The following RCHY1 variants were observed in gnomAD, a reference collection of about 807,000 sequenced individuals.
RCHY1 encodes RING finger and CHY zinc finger domain-containing protein 1.
A neutral mutation model predicts 41.6 loss-of-function variants in RCHY1; 21 were observed. That is an observed-to-expected ratio of 0.51 (90% CI 0.36 to 0.73). RCHY1 has a LOEUF of 0.73. RCHY1 is among the 30% of genes least tolerant of loss of function. The pLI is 0.00. For missense variants in RCHY1, 265 were observed against 325.3 expected (o/e 0.81, Z 1.43); for synonymous variants, 79 against 102.9 (o/e 0.77, Z 1.41).
chr4:75,494,064 G>T, intron 4 of RCHY1, 37 bp downstream of exon 4: 1 of 1,191,014 alleles, frequency 8.4e-7, no homozygotes, highest in Non-Finnish European at 1.2e-6. Flanking sequence ...CAAAAACACT[G>T]TAATATTTTT....
chr4:75,491,366 A>T, intron 7 of RCHY1: 1 of 367,248 alleles, frequency 2.7e-6, no homozygotes, highest in Non-Finnish European at 4.9e-6. Context: ...TGGCCAGAAA[A>T]AAAAGAGGTA....
At chr4:75,507,326 C>G (rs1214899153) in intron 3 of RCHY1, among the ~76,000 whole-genome samples, 1 of 151,776 alleles carries the variant, frequency 6.6e-6, no homozygotes, top group Non-Finnish European at 1.5e-5. Flanking sequence ...GTTATAATTT[C>G]TAGGATAACC....
rs575962761 is a variant in RCHY1 at position 75,499,106 on chromosome 4, A to C, written c.327-4927T>G. ...TAATAACAAAAAAAAAGATTTAAAA[A>C]TAGTCCAAAGACCTGTACAGTAATT... On this transcript the variant is annotated intron_variant, in intron 3 of 8. Coordinates refer to ENST00000324439, the MANE Select transcript of RCHY1 (RefSeq NM_015436.4). Among the ~76,000 whole-genome samples the C allele has an allele frequency of 5.9e-5, 9 of 152,316 alleles. No homozygotes were observed. In the East Asian group the frequency reaches 1.7e-3, roughly 29 times the overall value.
chr4:75,502,667 A>T (rs1022681960), intron 3 of RCHY1, among the ~76,000 whole-genome samples: 1 of 152,230 alleles, frequency 6.6e-6, no homozygotes. Flanking sequence ...CTGATACATT[A>T]TGGAATCTTA....
chr4:75,492,681 G>A (rs991499210), intron 4 of RCHY1, among the ~76,000 whole-genome samples: 1 of 151,634 alleles, frequency 6.6e-6, no homozygotes, highest in Non-Finnish European at 1.5e-5. Context: ...GACAATAAAA[G>A]ATAACTGAAA....
chr4:75,498,427 C>T (rs1378753806), intron 3 of RCHY1, among the ~76,000 whole-genome samples: 1 of 148,606 alleles, frequency 6.7e-6, no homozygotes, highest in Non-Finnish European at 1.5e-5. Flanking sequence ...GAAAAGAAAT[C>T]CTAAAATTTA....
intron 3 of RCHY1, among the ~76,000 whole-genome samples, chr4:75,501,385 G>A (rs1004187931): frequency 1.3e-5 from 2 of 152,170 alleles, no homozygotes; most frequent in Non-Finnish European, 2.9e-5. Flanking sequence ...GACAGTATTT[G>A]TCAAACTTAA....
chr4:75,482,791 C>A, intron 8 of RCHY1, 125 bp from the exon 9 acceptor site: 1 of 597,562 alleles, frequency 1.7e-6, no homozygotes, highest in Non-Finnish European at 2.4e-6. Flanking sequence ...TAAAAATTTC[C>A]AAAAGTAGAA....
intron 3 of RCHY1, among the ~76,000 whole-genome samples, chr4:75,497,733 G>T (rs926777264): frequency 6.6e-6 from 1 of 152,046 alleles, no homozygotes; most frequent in African/African-American, 2.4e-5. Context: ...ATCTGAAATA[G>T]TAATAGCCAA....
chr4:75,509,792 C>T, intron 1 of RCHY1: 1 of 175,832 alleles, frequency 5.7e-6, no homozygotes, highest in Non-Finnish European at 1.2e-5. Context: ...TTTTCTATTG[C>T]CACCACCATG....
intron 3 of RCHY1, among the ~76,000 whole-genome samples, chr4:75,505,004 G>A (rs868641549): frequency 2.0e-5 from 3 of 152,008 alleles, no homozygotes; most frequent in Non-Finnish European, 4.4e-5. Context: ...CTGTATATAC[G>A]GCAGCGGTCA....
chr4:75,512,358 G>T (rs909397169), intron 1 of RCHY1, among the ~76,000 whole-genome samples: 1 of 152,084 alleles, frequency 6.6e-6, no homozygotes, highest in Non-Finnish European at 1.5e-5. Flanking sequence ...GGCCTGAAAA[G>T]AACATCCTCC....
intron 3 of RCHY1, among the ~76,000 whole-genome samples, chr4:75,502,011 G>A (rs1723815320): frequency 6.6e-6 from 1 of 152,022 alleles, no homozygotes; most frequent in Non-Finnish European, 1.5e-5. Flanking sequence ...GGCAGAGGTT[G>A]CGGTGAGCCA....
At chr4:75,498,539 T>C (rs1044705845) in intron 3 of RCHY1, among the ~76,000 whole-genome samples, 1 of 143,222 alleles carries the variant, frequency 7.0e-6, no homozygotes, top group Admixed American at 6.9e-5. Context: ...CTTCAAAATA[T>C]ACTACAAAGC....
At chr4:75,511,153 A>G (rs555262168) in intron 1 of RCHY1, among the ~76,000 whole-genome samples, 10 of 152,316 alleles carry the variant, frequency 6.6e-5, no homozygotes, top group African/African-American at 2.4e-4. Context: ...TTACTCATGC[A>G]TTGGTCATCT....
intron 3 of RCHY1, among the ~76,000 whole-genome samples, chr4:75,496,071 A>C (rs1201039835): frequency 6.6e-6 from 1 of 152,150 alleles, no homozygotes; most frequent in Admixed American, 6.6e-5. Context: ...AATGAACTTT[A>C]GAATAGGCTG....
rs538928267 is a variant in RCHY1 at position 75,496,958 on chromosome 4, T to C, written c.327-2779A>G. Among the ~76,000 whole-genome samples, 20 of 152,200 alleles carry C rather than the reference T, an allele frequency of 1.3e-4. No homozygotes were observed. The South Asian group carries it at 3.3e-3, about 25-fold the overall frequency. On this transcript the variant is annotated intron_variant, in intron 3 of 8. Coordinates refer to ENST00000324439, the MANE Select transcript of RCHY1 (RefSeq NM_015436.4). ...ACAGGGCATTAAAAGTTATTATAAC[T>C]GTATACCATTACATTAAAAAAGTAT...
intron 8 of RCHY1, among the ~76,000 whole-genome samples, chr4:75,483,627 A>G (rs759015755): frequency 2.0e-5 from 3 of 152,210 alleles, no homozygotes; most frequent in Non-Finnish European, 4.4e-5. Flanking sequence ...TCCAAAAATT[A>G]TCTACATGGA....
In RCHY1 at chr4:75,481,494, GTAT is replaced by G. The variant is rs1721519105; in HGVS notation, c.*1041_*1043del. 1 of 152,132 alleles carries G rather than the reference GTAT, an allele frequency of 6.6e-6. No individual in the cohort carries two copies. Among genetic ancestry groups the G allele is most frequent in the Admixed American group, 6.5e-5 (1 of 15,268 alleles). The allele number at this position is 152,132 out of a possible 1,614,324, so 9.4% of individuals were successfully genotyped here. A position where few individuals can be genotyped will look rare whatever the true frequency, so the allele number is the denominator to read the frequency against. ...AATTCCACTACATGAGCCCAAAAAA[GTAT>G]TATGAAATCAGAGATCTTGCCAGGA... On this transcript the variant is annotated 3_prime_UTR_variant, in exon 9 of 9. Coordinates refer to ENST00000324439, the MANE Select transcript of RCHY1 (RefSeq NM_015436.4).
Sources: gnomAD v4.1 joint callset for allele counts (sites outside exome capture counted in the v4.1 genomes callset) on GRCh38, gnomAD v4.1.1 for gene constraint, MANE v1.5 for transcripts, NCBI Gene and HGNC (gene_info 2026-07-23, HGNC 2026-07-21) for gene names.